DYSF: variants seen among roughly 807,000 people sequenced by gnomAD.
The protein encoded by DYSF is dysferlin.
A neutral mutation model predicts 274.9 loss-of-function variants in DYSF; 212 were observed. The observed-to-expected ratio is 0.77, with a 90% CI of 0.69 to 0.86. The LOEUF is 0.86. Among genes scored for constraint, DYSF ranks in the 40% least tolerant of loss-of-function variants. The pLI, the probability that DYSF is intolerant of heterozygous loss-of-function variation, is 0.00. For synonymous variants in DYSF, 1,091 were observed against 1,078.7 expected (o/e 1.01, Z -0.22); for missense variants, 2,666 against 2,783.2 (o/e 0.96, Z 0.95).
intron 30 of DYSF, among the ~76,000 whole-genome samples, chr2:71,585,650 A>C (rs2093041515): frequency 6.6e-6 from 1 of 152,112 alleles, no homozygotes; most frequent in Non-Finnish European, 1.5e-5. Context: ...GCCCTCCTCA[A>C]GGCCGACACA....
intron 24 of DYSF, among the ~76,000 whole-genome samples, chr2:71,566,105 C>G (rs1285021170): frequency 6.6e-6 from 1 of 152,048 alleles, no homozygotes; most frequent in African/African-American, 2.4e-5. Flanking sequence ...CAGAGCCTAA[C>G]CTCTGAGAGT....
rs1406461324 is a variant in DYSF, at chr2:71,665,144, C to T, written c.5175-18C>T. On this transcript the variant is annotated intron_variant, in intron 46 of 55. Coordinates refer to ENST00000410020, the MANE Select transcript of DYSF (RefSeq NM_001130987.2). ...TGTCCTTGAAGCATCTCATCTATGT[C>T]TTGTGCTTGCTCCTCAGCTCTGGAC... 6.2e-7 allele frequency: 1 copy of T among 1,613,226 alleles called. No homozygotes were observed. Among genetic ancestry groups the T allele is most frequent in the African/African-American group, 1.3e-5 (1 of 74,896 alleles).
At chr2:71,541,777 T>C (rs1240483339) in intron 17 of DYSF, among the ~76,000 whole-genome samples, 1 of 152,192 alleles carries the variant, frequency 6.6e-6, no homozygotes, top group African/African-American at 2.4e-5. Flanking sequence ...ATTTGATCTA[T>C]TTTGAATTTA....
chr2:71,529,072 A>T (rs1344099442), intron 14 of DYSF, among the ~76,000 whole-genome samples: 1 of 152,088 alleles, frequency 6.6e-6, no homozygotes, highest in East Asian at 1.9e-4. Context: ...TGTGCCTCTA[A>T]ACAGTTCCGC....
chr2:71,495,600 T>C (rs868166352), intron 3 of DYSF, among the ~76,000 whole-genome samples: 1 of 152,062 alleles, frequency 6.6e-6, no homozygotes, highest in African/African-American at 2.4e-5. Context: ...TTTGGGGCAT[T>C]TGGGAGAAGG....
intron 44 of DYSF, 110 bp from the exon 45 acceptor site, chr2:71,660,450 C>T: frequency 1.1e-6 from 1 of 933,914 alleles, no homozygotes; most frequent in Non-Finnish European, 1.8e-6. Flanking sequence ...GCCCACATCT[C>T]AACTTCCTGA....
At chr2:71,540,660 A>C (rs2089849300) in intron 17 of DYSF, among the ~76,000 whole-genome samples, 2 of 150,768 alleles carry the variant, frequency 1.3e-5, no homozygotes. Flanking sequence ...TATTTAAATA[A>C]TTATTTTATA....
intron 43 of DYSF, among the ~76,000 whole-genome samples, chr2:71,657,779 C>T (rs1406336425): frequency 6.6e-6 from 1 of 152,168 alleles, no homozygotes; most frequent in Non-Finnish European, 1.5e-5. Flanking sequence ...CACCAAGTCC[C>T]TGGGCTGCAC....
chr2:71,613,659 C>T (rs1269302172), intron 40 of DYSF, among the ~76,000 whole-genome samples: 1 of 152,084 alleles, frequency 6.6e-6, no homozygotes, highest in Non-Finnish European at 1.5e-5. Flanking sequence ...AAAAATAGGC[C>T]ATCTACCCTG....
Position 71,564,058 on chromosome 2 carries a change from C to A in DYSF, c.2410C>A (p.Pro804Thr), listed in dbSNP as rs748769194. The A allele has an allele frequency of 1.2e-6, 2 of 1,614,066 alleles. No individual in the cohort carries two copies. The highest frequency in any genetic ancestry group is 1.7e-6 in the Non-Finnish European group (2 of 1,179,970). Residue 804 changes from proline to threonine, a missense_variant and splice_region_variant, in exon 24 of 56, where the codon CCC becomes ACC. This residue lies in a region of DYSF where 412 missense variants were observed against 504.0 expected (regional missense o/e 0.82). Coordinates refer to ENST00000410020, the MANE Select transcript of DYSF (RefSeq NM_001130987.2). ...ACCCCGACCACCACCCTCTGTTCAGCCCCAGAACAGCCTGCCGGACATCGT... is the reference window on the plus strand; with the variant it reads ...ACCCCGACCACCACCCTCTGTTCAGACCCAGAACAGCCTGCCGGACATCGT... ...LLRLRALAEE[P>T]QNSLPDIVIW...
At chr2:71,665,812 C>A (rs760221680) in intron 47 of DYSF, among the ~76,000 whole-genome samples, 1 of 152,192 alleles carries the variant, frequency 6.6e-6, no homozygotes, top group Non-Finnish European at 1.5e-5. Context: ...GCCCCCAGTC[C>A]TGCCCAGGGT....
intron 1 of DYSF, among the ~76,000 whole-genome samples, chr2:71,461,258 G>T (rs1484520471): frequency 6.6e-6 from 1 of 152,144 alleles, no homozygotes. Context: ...AAGGAAAAGG[G>T]CTGCTGTGCA....
intron 38 of DYSF, among the ~76,000 whole-genome samples, chr2:71,611,868 C>T (rs1047389954): frequency 1.3e-5 from 2 of 152,184 alleles, no homozygotes; most frequent in Non-Finnish European, 2.9e-5. Context: ...AGCGAAAGTC[C>T]CAAGGAGACA....
At chr2:71,662,488 TTG>T (rs1224419537) in intron 45 of DYSF, among the ~76,000 whole-genome samples, 21 of 149,232 alleles carry the variant, frequency 1.4e-4, no homozygotes, top group Admixed American at 7.9e-4. Context: ...GTGTATGTAT[TTG>T]TGTGTATGTG....
At chr2:71,527,766 A>C (rs2088116923) in intron 13 of DYSF, among the ~76,000 whole-genome samples, 1 of 152,238 alleles carries the variant, frequency 6.6e-6, no homozygotes. Flanking sequence ...TATACACATA[A>C]ACATATCTAT....
intron 40 of DYSF, among the ~76,000 whole-genome samples, chr2:71,614,705 G>C (rs6724003): frequency 0.44 from 66,640 of 151,904 alleles, 15,037 homozygotes; most frequent in East Asian, 0.51. Flanking sequence ...TCAATGCTCA[G>C]CACAAGGCCT....
At chr2:71,626,525 T>G (rs892563116) in intron 41 of DYSF, among the ~76,000 whole-genome samples, 1 of 151,686 alleles carries the variant, frequency 6.6e-6, no homozygotes, top group Non-Finnish European at 1.5e-5. Context: ...ATTACAGTAA[T>G]AAATATATCT....
rs796705736 is a variant in DYSF at position 71,565,246 on chromosome 2, C to CTTTTTTTTTTTTTTT, written c.2565+1037_2565+1051dup. Among the ~76,000 whole-genome samples, 38 of 131,330 alleles carry CTTTTTTTTTTTTTTT rather than the reference C, an allele frequency of 2.9e-4. 1 individual carries two copies. The highest frequency in any genetic ancestry group is 4.9e-4 in the South Asian group (2 of 4,062). 86.2% of individuals were successfully genotyped at this position (131,330 alleles called of 152,430 possible). A position where few individuals can be genotyped will look rare whatever the true frequency, so the allele number is the denominator to read the frequency against. ...TAGGCGTTTGCCAACCCACCCAGCT[C>CTTTTTTTTTTTTTTT]TTTTTTTTTTTTTTTTTTAATTTTA... On this transcript the variant is annotated intron_variant, in intron 24 of 55. Coordinates refer to ENST00000410020, the MANE Select transcript of DYSF (RefSeq NM_001130987.2).
chr2:71,576,473 G>C (rs1449580294), intron 30 of DYSF: 1 of 154,582 alleles, frequency 6.5e-6, no homozygotes, highest in Non-Finnish European at 1.4e-5. Context: ...CCGTGGGGCT[G>C]AGGTGGAGGG....
Sources: gnomAD v4.1 joint callset for allele counts (sites outside exome capture counted in the v4.1 genomes callset) on GRCh38, gnomAD v4.1.1 for gene constraint, gnomAD v4.1.1 regional missense constraint, MANE v1.5 for transcripts, NCBI Gene and HGNC (gene_info 2026-07-23, HGNC 2026-07-21) for gene names.